The following SNTG1 variants were observed in gnomAD, a reference collection of about 807,000 sequenced individuals.
SNTG1 encodes gamma-1-syntrophin.
SNTG1 carries 39 observed loss-of-function variants against 74.7 expected under a neutral mutation model. That is an observed-to-expected ratio of 0.52 (90% CI 0.40 to 0.68). The LOEUF (loss-of-function observed/expected upper bound fraction) is 0.68. SNTG1 is among the 30% of genes least tolerant of loss of function. SNTG1 has a pLI of 0.00. For missense variants in SNTG1, 685 were observed against 609.5 expected (o/e 1.12, Z -1.30); for synonymous variants, 254 against 217.1 (o/e 1.17, Z -1.49).
chr8:49,986,198 T>A (rs1045462870), intron 1 of SNTG1, among the ~76,000 whole-genome samples: 16 of 152,132 alleles, frequency 1.1e-4, no homozygotes, highest in Non-Finnish European at 2.4e-4. Flanking sequence ...TATGCCCAGA[T>A]CAACAGAAAA....
chr8:50,411,703 T>C (rs765581414), intron 4 of SNTG1, among the ~76,000 whole-genome samples: 1 of 152,152 alleles, frequency 6.6e-6, no homozygotes, highest in Non-Finnish European at 1.5e-5. Flanking sequence ...TTATGTGATG[T>C]TTCTTTTTTG....
At chr8:50,644,897 A>G (rs2095097498) in intron 13 of SNTG1, among the ~76,000 whole-genome samples, 1 of 150,522 alleles carries the variant, frequency 6.6e-6, no homozygotes, top group African/African-American at 2.4e-5. Context: ...TGGCCTAAAG[A>G]AACACTTGCT....
At chr8:49,934,332 T>TATC (rs1807865906) in intron 1 of SNTG1, among the ~76,000 whole-genome samples, 2 of 138,934 alleles carry the variant, frequency 1.4e-5, no homozygotes, top group Admixed American at 7.3e-5. Context: ...TCTATCTATC[T>TATC]ATCTACTCAA....
chr8:50,486,635 C>A (rs976590031), intron 8 of SNTG1, among the ~76,000 whole-genome samples: 9 of 143,716 alleles, frequency 6.3e-5, no homozygotes, highest in African/African-American at 1.3e-4. Flanking sequence ...AATTGAATAC[C>A]CTTTATTTCC....
chr8:50,587,887 G>A (rs1313064372), intron 12 of SNTG1, among the ~76,000 whole-genome samples: 1 of 151,864 alleles, frequency 6.6e-6, no homozygotes, highest in Non-Finnish European at 1.5e-5. Context: ...CGAGGCGGGC[G>A]GATCACGAGG....
At chr8:50,415,936 C>T (rs191640062) in intron 4 of SNTG1, among the ~76,000 whole-genome samples, 32 of 152,206 alleles carry the variant, frequency 2.1e-4, no homozygotes, top group African/African-American at 7.5e-4. Flanking sequence ...TACATGATAA[C>T]GATGGGTGAT....
intron 2 of SNTG1, among the ~76,000 whole-genome samples, chr8:50,205,468 A>G (rs959684034): frequency 1.3e-5 from 2 of 152,170 alleles, no homozygotes; most frequent in African/African-American, 4.8e-5. Flanking sequence ...GATTCCAGAT[A>G]TTAGACCTTT....
At chr8:50,346,750 G>A (rs1315229412) in intron 2 of SNTG1, among the ~76,000 whole-genome samples, 1 of 152,226 alleles carries the variant, frequency 6.6e-6, no homozygotes. Context: ...TGTGGATATG[G>A]AGAAAGCATT....
chr8:50,024,563 G>C (rs761039781), intron 1 of SNTG1, among the ~76,000 whole-genome samples: 1 of 152,160 alleles, frequency 6.6e-6, no homozygotes, highest in African/African-American at 2.4e-5. Flanking sequence ...AGGACTTCCA[G>C]TGGGTGCCTG....
chr8:50,324,200 C>A (rs368270495), intron 2 of SNTG1, among the ~76,000 whole-genome samples: 1 of 152,160 alleles, frequency 6.6e-6, no homozygotes, highest in Non-Finnish European at 1.5e-5. Flanking sequence ...CTCCTTGTGC[C>A]GGCCCTGGCT....
intron 12 of SNTG1, among the ~76,000 whole-genome samples, chr8:50,578,423 A>AAG (rs34191085): frequency 6.6e-6 from 1 of 151,694 alleles, no homozygotes; most frequent in African/African-American, 2.4e-5. Flanking sequence ...ATGAGAGAGA[A>AAG]AGAGAGAGAG....
At chr8:50,063,983 A>G (rs1042775697) in intron 1 of SNTG1, among the ~76,000 whole-genome samples, 5 of 152,204 alleles carry the variant, frequency 3.3e-5, no homozygotes, top group African/African-American at 9.7e-5. Context: ...TTCCATCTAT[A>G]GCAACTTACT....
intron 6 of SNTG1, among the ~76,000 whole-genome samples, chr8:50,450,013 T>C (rs1188634461): frequency 2.0e-5 from 3 of 152,146 alleles, no homozygotes; most frequent in African/African-American, 7.2e-5. Flanking sequence ...CCAACAAAGA[T>C]ACAAAACTAA....
chr8:50,192,350 A>G lies in SNTG1; in HGVS notation c.-28+19715A>G, dbSNP rs544123413. The stretch of plus-strand genomic sequence containing the variant: ...TCCTTAGTTTTTTCATCTGTGAAAT[A>G]AGGAAGTTAGGCCCATTTTGTTGTT... On this transcript the variant is annotated intron_variant, in intron 2 of 18. Coordinates refer to ENST00000642720, the MANE Select transcript of SNTG1 (RefSeq NM_018967.5). 2.3e-4 allele frequency among the ~76,000 whole-genome samples: 35 copies of G among 152,246 alleles called. No individual in the cohort carries two copies. In the South Asian group the frequency reaches 7.1e-3, roughly 31 times the overall value.
At chr8:50,588,317 ATT>A (rs2094667587) in intron 12 of SNTG1, among the ~76,000 whole-genome samples, 2 of 152,132 alleles carry the variant, frequency 1.3e-5, no homozygotes, top group African/African-American at 4.8e-5. Context: ...ACAAGGAATT[ATT>A]TTGTATCTAC....
At chr8:50,752,522 G>A (rs1192636326) in intron 18 of SNTG1, among the ~76,000 whole-genome samples, 1 of 150,954 alleles carries the variant, frequency 6.6e-6, no homozygotes, top group Non-Finnish European at 1.5e-5. Context: ...TTCAAAATCT[G>A]CATTATTTTC....
intron 15 of SNTG1, among the ~76,000 whole-genome samples, chr8:50,679,498 G>T (rs910559837): frequency 1.3e-5 from 2 of 152,074 alleles, no homozygotes; most frequent in Admixed American, 6.6e-5. Context: ...TAGTCACTTT[G>T]TAAGCATTCA....
At chr8:50,364,704 T>C (rs1341395053) in intron 2 of SNTG1, among the ~76,000 whole-genome samples, 1 of 151,690 alleles carries the variant, frequency 6.6e-6, no homozygotes, top group African/African-American at 2.4e-5. Context: ...TCTGCTTTCC[T>C]ATAGGCCTTG....
chr8:50,061,402 C>T (rs1456024709), intron 1 of SNTG1, among the ~76,000 whole-genome samples: 3 of 151,948 alleles, frequency 2.0e-5, no homozygotes, highest in Non-Finnish European at 4.4e-5. Context: ...TCATTCGTGT[C>T]TTCTAATTTT....
Sources: gnomAD v4.1 joint callset for allele counts (sites outside exome capture counted in the v4.1 genomes callset) on GRCh38, gnomAD v4.1.1 for gene constraint, MANE v1.5 for transcripts, NCBI Gene and HGNC (gene_info 2026-07-23, HGNC 2026-07-21) for gene names.